Variants in PEAK1 observed in about 807,000 individuals in gnomAD.
PEAK1 encodes the protein pseudopodium enriched atypical kinase 1.
Under a neutral mutation model 124.7 loss-of-function variants are expected in PEAK1, and 54 were observed. The ratio of observed to expected loss-of-function variants is 0.43; its 90% CI spans 0.35 to 0.54. PEAK1 has a LOEUF of 0.54. PEAK1 is among the 20% of genes least tolerant of loss of function. The pLI is 0.01. For synonymous variants in PEAK1, 719 were observed against 760.0 expected (o/e 0.95, Z 0.89); for missense variants, 2,046 against 2,134.5 (o/e 0.96, Z 0.82).
intron 2 of PEAK1, chr15:77,330,819 C>T (rs1039155224): frequency 1.3e-5 from 2 of 157,552 alleles, no homozygotes. Context: ...CACCAACTGA[C>T]AAATTATTTG....
intron 8 of PEAK1, among the ~76,000 whole-genome samples, chr15:77,150,373 T>C (rs1401105913): frequency 6.6e-6 from 1 of 152,176 alleles, no homozygotes; most frequent in African/African-American, 2.4e-5. Context: ...AAAATGGGGA[T>C]AATAACTCTT....
chr15:77,359,834 C>T (rs950414469), intron 2 of PEAK1, among the ~76,000 whole-genome samples: 1 of 152,182 alleles, frequency 6.6e-6, no homozygotes, highest in African/African-American at 2.4e-5. Flanking sequence ...GGATGACTGA[C>T]TGTAAAGTCC....
At chr15:77,219,297 C>T (rs1596674982) in intron 6 of PEAK1, among the ~76,000 whole-genome samples, 2 of 151,572 alleles carry the variant, frequency 1.3e-5, no homozygotes, top group Admixed American at 6.6e-5. Flanking sequence ...TTGATGACCC[C>T]GAAATTTTTC....
rs962110099 is a variant in PEAK1, at chr15:77,133,339, G to A, written c.3743C>T (p.Ser1248Phe). Residue 1248 changes from serine (S) to phenylalanine (F), a missense_variant, in exon 9 of 10, where the codon TCC (serine) becomes TTC (phenylalanine). Transcript: ENST00000682557. This position sits in a 1 kb window ranked among gnomAD's most constrained non-coding sequence, Gnocchi z 4.2. ...LTTLSIKDRF[S>F]NSMESLSSRR... ...GCTGGAGAGGGATTCCATGCTGTTG[G>A]AAAATCTATCCTTAATACTGAGAGT... 1 of 1,614,234 alleles carries A rather than the reference G, an allele frequency of 6.2e-7. No individual in the cohort carries two copies. Among genetic ancestry groups the A allele is most frequent in the African/African-American group, 1.3e-5 (1 of 75,072 alleles).
intron 1 of PEAK1, among the ~76,000 whole-genome samples, chr15:77,387,551 C>T (rs1356176123): frequency 2.0e-5 from 3 of 152,146 alleles, no homozygotes; most frequent in Non-Finnish European, 4.4e-5. Context: ...CCTCTCTTAG[C>T]AGAACTGAGA....
chr15:77,380,820 T>C (rs1191612640), intron 1 of PEAK1, among the ~76,000 whole-genome samples: 4 of 152,052 alleles, frequency 2.6e-5, no homozygotes, highest in Admixed American at 6.6e-5. Context: ...TTGACAAGCA[T>C]CCCCCTCTCT....
intron 2 of PEAK1, chr15:77,347,745 A>G: frequency 1.0e-6 from 1 of 975,934 alleles, no homozygotes; most frequent in Non-Finnish European, 1.2e-6. Context: ...GTTACAAAAT[A>G]AATTAGGAGT....
chr15:77,120,983 T>G (rs2051861737), intron 9 of PEAK1, among the ~76,000 whole-genome samples: 1 of 152,216 alleles, frequency 6.6e-6, no homozygotes, highest in South Asian at 2.1e-4. Context: ...CTAAATACCC[T>G]AAACCCCCTT....
intron 6 of PEAK1, among the ~76,000 whole-genome samples, chr15:77,247,727 C>T (rs2060663259): frequency 6.6e-6 from 1 of 152,000 alleles, no homozygotes; most frequent in African/African-American, 2.4e-5. Flanking sequence ...CTGAAGTGAT[C>T]TGCCTGTCTT....
rs749000554 is a variant in PEAK1 at position 77,298,197 on chromosome 15, A to ATTTTTTT, written c.-602-11700_-602-11694dup. On this transcript the variant is annotated intron_variant, in intron 2 of 9. Coordinates refer to ENST00000682557, the MANE Select transcript of PEAK1 (RefSeq NM_001385026.1). The stretch of plus-strand genomic sequence containing the variant: ...TAGCTTCTTTTGTTTGGTATCCTTA[A>ATTTTTTT]TTTTTTTTTTTTTTTTTTTTTTTTT... Among the ~76,000 whole-genome samples, 111 of 37,820 alleles carry ATTTTTTT rather than the reference A, an allele frequency of 2.9e-3. 26 individuals are homozygous for ATTTTTTT. The highest frequency in any genetic ancestry group is 9.7e-3 in the African/African-American group (72 of 7,412). 24.8% of individuals were successfully genotyped at this position (37,820 alleles called of 152,430 possible).
intron 2 of PEAK1, among the ~76,000 whole-genome samples, chr15:77,287,352 A>C (rs1160270819): frequency 6.6e-6 from 1 of 152,254 alleles, no homozygotes; most frequent in African/African-American, 2.4e-5. Flanking sequence ...AATGGATAAA[A>C]TATAAAAACG....
At chr15:77,267,740 T>G (rs989114219) in intron 5 of PEAK1, among the ~76,000 whole-genome samples, 2 of 152,160 alleles carry the variant, frequency 1.3e-5, no homozygotes, top group African/African-American at 4.8e-5. Context: ...ATCTTCCCTT[T>G]GATATAGTAT....
At chr15:77,334,600 T>TTTA in intron 2 of PEAK1, 1 of 985,386 alleles carries the variant, frequency 1.0e-6, no homozygotes, top group Non-Finnish European at 1.2e-6. Context: ...CTAGCATAAA[T>TTTA]GCCTACAATT....
intron 9 of PEAK1, among the ~76,000 whole-genome samples, chr15:77,126,091 G>T (rs138993270): frequency 2.6e-5 from 4 of 152,170 alleles, no homozygotes; most frequent in African/African-American, 9.6e-5. Context: ...TAATTGAAAA[G>T]ACATTAGGAC....
intron 2 of PEAK1, among the ~76,000 whole-genome samples, chr15:77,313,196 A>C (rs1009635092): frequency 2.0e-5 from 3 of 152,150 alleles, no homozygotes; most frequent in Non-Finnish European, 4.4e-5. Flanking sequence ...AATATGGTTG[A>C]TATGGGTATG....
intron 8 of PEAK1, among the ~76,000 whole-genome samples, chr15:77,136,161 G>A (rs969548577): frequency 5.3e-5 from 8 of 151,028 alleles, no homozygotes; most frequent in Admixed American, 1.3e-4. Context: ...TAAGGAACTC[G>A]TTGTGAACTG....
intron 7 of PEAK1, among the ~76,000 whole-genome samples, chr15:77,174,070 G>C (rs2056689939): frequency 6.6e-6 from 1 of 152,192 alleles, no homozygotes; most frequent in South Asian, 2.1e-4. Flanking sequence ...CATATTTGAA[G>C]TTCAACCCAA....
chr15:77,208,104 A>G (rs547277531), intron 6 of PEAK1, among the ~76,000 whole-genome samples: 1 of 152,298 alleles, frequency 6.6e-6, no homozygotes, highest in East Asian at 1.9e-4. Context: ...GTCAACTTAA[A>G]TCTGTTGCTT....
intron 2 of PEAK1, among the ~76,000 whole-genome samples, chr15:77,313,704 ATG>A (rs1555478140): frequency 0.011 from 1,228 of 112,402 alleles, 51 homozygotes; most frequent in African/African-American, 0.04. Flanking sequence ...ATATATATAT[ATG>A]TATGTGTGTG....
Sources: gnomAD v4.1 joint callset for allele counts (sites outside exome capture counted in the v4.1 genomes callset) on GRCh38, gnomAD v4.1.1 for gene constraint, Gnocchi (gnomAD v3.1) non-coding constraint, MANE v1.5 for transcripts, NCBI Gene and HGNC (gene_info 2026-07-23, HGNC 2026-07-21) for gene names.